The following PHF8 variants were observed in gnomAD, a reference collection of about 807,000 sequenced individuals.
PHF8 encodes PHD finger protein 8.
PHF8 carries 9 observed loss-of-function variants against 74.4 expected under a neutral mutation model. That is an observed-to-expected ratio of 0.12 (90% CI 0.07 to 0.21). The LOEUF is 0.21. PHF8 is among the 10% of genes least tolerant of loss of function. The pLI, the probability that PHF8 is intolerant of heterozygous loss-of-function variation, is 1.00. For missense variants in PHF8, 478 were observed against 816.6 expected, an observed-to-expected ratio of 0.59 and a Z score of 5.05; for synonymous variants, 311 against 316.6, an observed-to-expected ratio of 0.98 and a Z score of 0.19.
chrX:54,011,358 G>C (rs781971124), intron 7 of PHF8, 74 bp from the exon 8 acceptor site: 1 of 844,147 alleles, frequency 1.2e-6, no homozygotes, highest in African/African-American at 2.0e-5. Flanking sequence ...TACTCCAAAG[G>C]GGTATTTCTC....
Position 54,014,571 on chromosome X carries a change from G to A in PHF8, c.597-8C>T. 1 of 1,170,949 alleles carries A rather than the reference G, an allele frequency of 8.5e-7. No individual in the cohort carries two copies. Among genetic ancestry groups the A allele is most frequent in the Non-Finnish European group, 1.2e-6 (1 of 859,531 alleles). On this transcript the variant is annotated splice_region_variant and splice_polypyrimidine_tract_variant and intron_variant, in intron 6 of 21. Coordinates refer to ENST00000338154, the MANE Select transcript of PHF8 (RefSeq NM_015107.3). ...TCCACAAGGTTAGAAAGTCTACCAA[G>A]GAAGGGGTGGAGAGCAGATGTCAGC...
chrX:53,951,451 C>T (rs187256677), intron 19 of PHF8, among the ~76,000 whole-genome samples: 28 of 111,190 alleles, frequency 2.5e-4, no homozygotes, highest in African/African-American at 8.8e-4. Context: ...CCAAAGACAA[C>T]AGAAATTTTT....
At chrX:54,013,743 G>A (rs782461376) in intron 7 of PHF8, among the ~76,000 whole-genome samples, 1 of 109,716 alleles carries the variant, frequency 9.1e-6, no homozygotes, top group Non-Finnish European at 1.9e-5. Flanking sequence ...GCCTGAACCC[G>A]GGAGGCAGAG....
At chrX:54,021,454 ATTTTTTTT>A (rs1156928686) in intron 4 of PHF8, among the ~76,000 whole-genome samples, 9 of 42,160 alleles carry the variant, frequency 2.1e-4, no homozygotes, top group African/African-American at 5.5e-4. Context: ...AGTTGCAATT[ATTTTTTTT>A]TTTTTTTTTT....
chrX:53,974,711 T>C (rs2065346894), intron 18 of PHF8, among the ~76,000 whole-genome samples: 1 of 112,373 alleles, frequency 8.9e-6, no homozygotes, highest in Non-Finnish European at 1.9e-5. Flanking sequence ...ATATACAGCA[T>C]GGAATACTAT....
intron 2 of PHF8, among the ~76,000 whole-genome samples, chrX:54,034,773 G>A (rs868924233): frequency 7.9e-5 from 8 of 101,580 alleles, no homozygotes; most frequent in Admixed American, 6.8e-4. Context: ...GCAGTGAGCC[G>A]AGATCACGCC....
At chrX:54,021,621 A>T (rs1603339426) in intron 4 of PHF8, among the ~76,000 whole-genome samples, 1 of 107,328 alleles carries the variant, frequency 9.3e-6, no homozygotes, top group East Asian at 2.9e-4. Flanking sequence ...GGCGCCCGCC[A>T]CTACGCCCGG....
chrX:54,015,301 G>T (rs1569528616), intron 6 of PHF8, among the ~76,000 whole-genome samples: 1 of 111,264 alleles, frequency 9.0e-6, no homozygotes, highest in African/African-American at 3.3e-5. Flanking sequence ...ACAGCGCCGG[G>T]CGCGGTGGCT....
intron 18 of PHF8, among the ~76,000 whole-genome samples, chrX:53,981,460 G>C (rs1476138986): frequency 9.0e-6 from 1 of 111,324 alleles, no homozygotes; most frequent in Non-Finnish European, 1.9e-5. Context: ...GTTCTGATGG[G>C]ATAGGCTACC....
intron 18 of PHF8, among the ~76,000 whole-genome samples, chrX:53,975,968 C>T (rs1557095934): frequency 9.0e-6 from 1 of 110,845 alleles, no homozygotes; most frequent in African/African-American, 3.3e-5. Context: ...TCACATGTAA[C>T]CCCAAAATAT....
At chrX:53,959,154 G>A (rs782661053) in intron 19 of PHF8, among the ~76,000 whole-genome samples, 211 of 111,475 alleles carry the variant, frequency 1.9e-3, no homozygotes, top group African/African-American at 6.3e-3. Context: ...ATTGGTTTTC[G>A]ATATTTACAG....
chrX:54,014,322 C>T, intron 7 of PHF8, 55 bp downstream of exon 7: 1 of 790,386 alleles, frequency 1.3e-6, no homozygotes, highest in Admixed American at 2.2e-5. Flanking sequence ...TGCCATGTGA[C>T]ACGTACAGGG....
intron 20 of PHF8, chrX:53,943,429 T>C (rs781793596): frequency 9.4e-6 from 10 of 1,068,428 alleles, no homozygotes; most frequent in Non-Finnish European, 1.1e-5. Flanking sequence ...ATATCACCTG[T>C]TGAACAGGGC....
chrX:53,957,432 A>G (rs1468689925), intron 19 of PHF8, among the ~76,000 whole-genome samples: 3 of 110,385 alleles, frequency 2.7e-5, no homozygotes, highest in Non-Finnish European at 3.8e-5. Flanking sequence ...GAGGCAGGAG[A>G]ATTGCTTGAA....
chrX:53,980,065 G>C (rs1394385303), intron 18 of PHF8, among the ~76,000 whole-genome samples: 1 of 111,405 alleles, frequency 9.0e-6, no homozygotes, highest in Admixed American at 9.6e-5. Context: ...ATTGAGTGGA[G>C]AAAGACTGGC....
At chrX:53,966,972 G>A (rs1363742291) in intron 18 of PHF8, among the ~76,000 whole-genome samples, 3 of 108,972 alleles carry the variant, frequency 2.8e-5, no homozygotes, top group Non-Finnish European at 5.8e-5. Context: ...CCCCATCTGG[G>A]AAGGGAGGAG....
intron 20 of PHF8, 86 bp downstream of exon 20, chrX:53,944,048 G>T: frequency 1.8e-6 from 1 of 563,002 alleles, no homozygotes; most frequent in South Asian, 2.4e-5. Flanking sequence ...ACAAAGGTGG[G>T]ATCCTATCAG....
intron 17 of PHF8, 129 bp downstream of exon 17, chrX:53,985,687 C>G: frequency 1.2e-5 from 13 of 1,100,348 alleles, no homozygotes; most frequent in Non-Finnish European, 1.5e-5. Flanking sequence ...CACCCAAATG[C>G]CCTGGATAAT....
chrX:53,944,251 G>A lies in PHF8; in HGVS notation c.2540-8C>T. 1 of 1,170,716 alleles carries A rather than the reference G, an allele frequency of 8.5e-7. No homozygotes were observed. Among genetic ancestry groups the A allele is most frequent in the South Asian group, 1.8e-5 (1 of 55,991 alleles). ...GAGTTGGGGTCACGCGGGCTGCAAGGGAAACAGGATGAGAAGGTGTCACTA... is the reference window on the plus strand; with the variant it reads ...GAGTTGGGGTCACGCGGGCTGCAAGAGAAACAGGATGAGAAGGTGTCACTA... On this transcript the variant is annotated splice_polypyrimidine_tract_variant and splice_region_variant and intron_variant, in intron 19 of 21. Transcript: ENST00000338154.
Sources: gnomAD v4.1 joint callset for allele counts (sites outside exome capture counted in the v4.1 genomes callset) on GRCh38, gnomAD v4.1.1 for gene constraint, MANE v1.5 for transcripts, NCBI Gene and HGNC (gene_info 2026-07-23, HGNC 2026-07-21) for gene names.